KIF18A: variants seen among roughly 807,000 people sequenced by gnomAD.
The protein encoded by KIF18A is kinesin-like protein KIF18A.
Under a neutral mutation model 103.3 loss-of-function variants are expected in KIF18A, and 67 were observed. That is an observed-to-expected ratio of 0.65 (90% CI 0.53 to 0.79). KIF18A has a LOEUF of 0.79. Among genes scored for constraint, KIF18A ranks in the 30% least tolerant of loss-of-function variants. The probability of loss-of-function intolerance (pLI) is 0.00; values close to 1 mark genes in which losing one functional copy is unlikely to be tolerated. For synonymous variants in KIF18A, 367 were observed against 355.5 expected, an observed-to-expected ratio of 1.03 and a Z score of -0.36; for missense variants, 1,032 against 1,062.5, an observed-to-expected ratio of 0.97 and a Z score of 0.40.
intron 10 of KIF18A, 79 bp from the exon 11 acceptor site, chr11:28,069,502 T>A (rs967287561): frequency 1.4e-5 from 18 of 1,322,036 alleles, no homozygotes; most frequent in Non-Finnish European, 1.9e-5. Context: ...TAGTATATTT[T>A]CTTATGTGTA....
chr11:28,063,273 T>C (rs1234234077), intron 11 of KIF18A, among the ~76,000 whole-genome samples: 1 of 152,054 alleles, frequency 6.6e-6, no homozygotes, highest in African/African-American at 2.4e-5. Context: ...TCAGATGATC[T>C]CTTCAGTCCT....
chr11:28,061,820 A>G (rs747661335), intron 12 of KIF18A, among the ~76,000 whole-genome samples: 6 of 152,130 alleles, frequency 3.9e-5, no homozygotes, highest in Non-Finnish European at 8.8e-5. Context: ...TAAGGAGTTG[A>G]CTGACGTATC....
intron 9 of KIF18A, among the ~76,000 whole-genome samples, chr11:28,080,971 A>T (rs921519580): frequency 1.3e-5 from 2 of 152,230 alleles, no homozygotes; most frequent in Admixed American, 1.3e-4. Context: ...TGGTCTGGAT[A>T]GATTAAACTA....
Position 28,021,396 on chromosome 11 carries a change from CAT to C in KIF18A, c.2615-116_2615-115del, listed in dbSNP as rs1362422346. 21 of 880,204 alleles carry C rather than the reference CAT, an allele frequency of 2.4e-5. No individual in the cohort carries two copies. In the African/African-American group the frequency reaches 3.5e-4, roughly 15 times the overall value. The allele number at this position is 880,204 out of a possible 1,614,324, so 54.5% of individuals were successfully genotyped here. On this transcript the variant is annotated intron_variant, in intron 16 of 16. Coordinates refer to ENST00000263181, the MANE Select transcript of KIF18A (RefSeq NM_031217.4). ...GAAAGAAAAATTTACTCTTGAAATTCATAGTTGTTAGTTAACATAATTTAAAA... is the reference window on the plus strand; with the variant it reads ...GAAAGAAAAATTTACTCTTGAAATTCAGTTGTTAGTTAACATAATTTAAAA...
intron 13 of KIF18A, chr11:28,057,018 T>A: frequency 3.9e-6 from 1 of 258,706 alleles, no homozygotes; most frequent in Non-Finnish European, 7.5e-6. Context: ...ATTGATCAAT[T>A]ATTGCTCAAC....
At chr11:28,100,173 C>T (rs1221825431) in intron 1 of KIF18A, among the ~76,000 whole-genome samples, 1 of 151,650 alleles carries the variant, frequency 6.6e-6, no homozygotes, top group African/African-American at 2.4e-5. Context: ...TTCAGCAGGG[C>T]GGGAAGTGGT....
intron 13 of KIF18A, among the ~76,000 whole-genome samples, chr11:28,037,569 A>C (rs1850509617): frequency 6.6e-6 from 1 of 151,516 alleles, no homozygotes; most frequent in Admixed American, 6.6e-5. Flanking sequence ...CCTGGAATCA[A>C]CTTGCCTGTC....
chr11:28,080,608 GCT>G (rs1851153771), intron 9 of KIF18A, among the ~76,000 whole-genome samples: 1 of 152,040 alleles, frequency 6.6e-6, no homozygotes, highest in Admixed American at 6.6e-5. Flanking sequence ...TGTTGTGTGT[GCT>G]CTGACGGCTC....
intron 10 of KIF18A, among the ~76,000 whole-genome samples, chr11:28,072,686 G>A (rs1220483159): frequency 6.6e-6 from 1 of 150,574 alleles, no homozygotes; most frequent in East Asian, 2.0e-4. Context: ...GGATTGAAAT[G>A]ACCAAAAGTA....
At chr11:28,032,770 G>C (rs1850428008) in intron 15 of KIF18A, among the ~76,000 whole-genome samples, 1 of 151,798 alleles carries the variant, frequency 6.6e-6, no homozygotes, top group Non-Finnish European at 1.5e-5. Context: ...ACTGCTAAAA[G>C]AAAACATTGG....
intron 1 of KIF18A, among the ~76,000 whole-genome samples, chr11:28,102,734 T>C (rs1851461340): frequency 6.6e-6 from 1 of 152,196 alleles, no homozygotes; most frequent in Non-Finnish European, 1.5e-5. Flanking sequence ...GGATAGAATT[T>C]TCTTAATAAA....
chr11:28,084,623 C>A lies in KIF18A; in HGVS notation c.1074+9G>T, dbSNP rs1290524737. On this transcript the variant is annotated intron_variant, in intron 7 of 16. Coordinates refer to ENST00000263181, the MANE Select transcript of KIF18A (RefSeq NM_031217.4). ...ACCTTCACAACAAAGGCAGAGTAAACAGACTTACAGAAGATTTAATGTCCT... is the reference window on the plus strand; with the variant it reads ...ACCTTCACAACAAAGGCAGAGTAAAAAGACTTACAGAAGATTTAATGTCCT... The A allele has an allele frequency of 6.3e-7, 1 of 1,587,338 alleles. No individual in the cohort carries two copies. The highest frequency in any genetic ancestry group is 8.6e-7 in the Non-Finnish European group (1 of 1,160,596).
intron 10 of KIF18A, among the ~76,000 whole-genome samples, chr11:28,074,152 A>G (rs1851059793): frequency 1.3e-5 from 2 of 152,138 alleles, no homozygotes; most frequent in African/African-American, 4.8e-5. Context: ...ATCTCCAAAA[A>G]TAAAATAAAA....
In KIF18A at chr11:28,021,023, T is replaced by A. The variant is rs1401306264; in HGVS notation, c.*177A>T. The A allele has an allele frequency of 2.0e-6, 1 of 494,556 alleles. No individual in the cohort carries two copies. The highest frequency in any genetic ancestry group is 4.9e-5 in the East Asian group (1 of 20,260). 30.6% of individuals were successfully genotyped at this position (494,556 alleles called of 1,614,324 possible). A position where few individuals can be genotyped will look rare whatever the true frequency, so the allele number is the denominator to read the frequency against. On this transcript the variant is annotated 3_prime_UTR_variant, in exon 17 of 17. Coordinates refer to ENST00000263181, the MANE Select transcript of KIF18A (RefSeq NM_031217.4). ...CTTTTCTTTTGAAATTTTATTTTTT[T>A]AGAACACAAAAGAAGAAAACAAAGA...
chr11:28,030,651 C>T (rs1179375998), intron 15 of KIF18A, among the ~76,000 whole-genome samples: 1 of 151,882 alleles, frequency 6.6e-6, no homozygotes, highest in Non-Finnish European at 1.5e-5. Context: ...ACACCAAAAG[C>T]AATGGCAACA....
At position 28,035,226 on chromosome 11, in the gene KIF18A, T is replaced by C. The variant is rs60139734; in HGVS notation, c.2504+161A>G. On this transcript the variant is annotated intron_variant, in intron 15 of 16. Transcript: ENST00000263181. ...ACTTGAGTTTTTCAAGATCTCCCTT[T>C]GATAATATAAATCCAGTACCCCATT... Among the ~76,000 whole-genome samples, 864 of 151,658 alleles carry C rather than the reference T, an allele frequency of 5.7e-3. 10 individuals carry two copies. The highest frequency in any genetic ancestry group is 0.02 in the African/African-American group (831 of 41,454).
Position 28,036,259 on chromosome 11 carries a change from T to A in KIF18A, c.2354A>T (p.Glu785Val). ...DIKSSKCKLPEQESLPNDNKD... is the reference protein window; with the variant it reads ...DIKSSKCKLPVQESLPNDNKD... Reference sequence around the variant, plus strand: ...GTTATCATTTGGTAGTGATTCTTGTTCGGGTAATTTACACTTCGAGCTCTT... The same window carrying A: ...GTTATCATTTGGTAGTGATTCTTGTACGGGTAATTTACACTTCGAGCTCTT... The change falls in exon 14 of 17, where the codon GAA (glutamate) becomes GTA (valine). Residue 785 changes from glutamate (E) to valine (V), a missense_variant. Transcript: ENST00000263181. 6.2e-7 allele frequency: 1 copy of A among 1,606,978 alleles called. No individual in the cohort carries two copies. Among genetic ancestry groups the A allele is most frequent in the Non-Finnish European group, 8.5e-7 (1 of 1,176,318 alleles).
intron 3 of KIF18A, among the ~76,000 whole-genome samples, chr11:28,091,972 C>T (rs543724004): frequency 5.6e-4 from 86 of 152,254 alleles, no homozygotes; most frequent in Non-Finnish European, 1.0e-3. Context: ...CCTGCCACCA[C>T]GCCTGGCTAA....
At chr11:28,036,778 TA>T (rs1850498749) in intron 13 of KIF18A, 114 bp from the exon 14 acceptor site, 2 of 590,950 alleles carry the variant, frequency 3.4e-6, no homozygotes, top group Non-Finnish European at 5.5e-6. Flanking sequence ...TGCCAATTGA[TA>T]AAAATCTGAA....
Sources: allele counts gnomAD v4.1 joint callset (sites outside exome capture counted in the v4.1 genomes callset), GRCh38; gene constraint gnomAD v4.1.1; transcripts MANE v1.5; gene names NCBI Gene and HGNC (gene_info 2026-07-23, HGNC 2026-07-21).